SPMIP2: variants seen among roughly 807,000 people sequenced by gnomAD.
The protein encoded by SPMIP2 is protein SPMIP2.
chr4:158,981,098 G>A, the SPMIP2 span, among the ~76,000 whole-genome samples: 1 of 152,032 alleles, frequency 6.6e-6, no homozygotes, highest in Non-Finnish European at 1.5e-5. Context: ...GCAGAAGAAA[G>A]GATATCAGAG....
chr4:158,915,409 G>C, the SPMIP2 span: 1 of 1,438,994 alleles, frequency 6.9e-7, no homozygotes, highest in Non-Finnish European at 9.5e-7. Flanking sequence ...TAGAAACAAG[G>C]CCACCAGTTT....
chr4:158,970,933 G>T, the SPMIP2 span, among the ~76,000 whole-genome samples: 1 of 152,160 alleles, frequency 6.6e-6, no homozygotes, highest in Non-Finnish European at 1.5e-5. Flanking sequence ...GGTTCACTGT[G>T]AGATTGGTTC....
chr4:159,068,551 C>T, the SPMIP2 span, among the ~76,000 whole-genome samples: 2 of 151,778 alleles, frequency 1.3e-5, no homozygotes, highest in African/African-American at 4.8e-5. Flanking sequence ...TGGAGATATA[C>T]CTAATGCTAA....
chr4:158,926,277 G>T, the SPMIP2 span, among the ~76,000 whole-genome samples: 6 of 151,296 alleles, frequency 4.0e-5, no homozygotes, highest in Non-Finnish European at 7.4e-5. Context: ...AAGGTGTAAG[G>T]TTAGGTTCTT....
the SPMIP2 span, among the ~76,000 whole-genome samples, chr4:158,983,531 C>A: frequency 1.4e-5 from 2 of 141,716 alleles, no homozygotes; most frequent in South Asian, 4.8e-4. Flanking sequence ...AATTTTCAAC[C>A]CAGAATTTCA....
chr4:158,952,907 C>T, the SPMIP2 span, among the ~76,000 whole-genome samples: 54 of 152,202 alleles, frequency 3.5e-4, no homozygotes, highest in African/African-American at 8.4e-4. Context: ...GATGATTTAG[C>T]GTATCTGGTG....
At chr4:158,948,824 G>A in the SPMIP2 span, among the ~76,000 whole-genome samples, 1 of 151,958 alleles carries the variant, frequency 6.6e-6, no homozygotes, top group Non-Finnish European at 1.5e-5. Flanking sequence ...GGCTGGTGTT[G>A]AACTCCTGGG....
chr4:159,079,642 C>G, the SPMIP2 span, among the ~76,000 whole-genome samples: 1 of 152,048 alleles, frequency 6.6e-6, no homozygotes, highest in Non-Finnish European at 1.5e-5. Context: ...CAGAGATCAA[C>G]CATATATTTA....
the SPMIP2 span, among the ~76,000 whole-genome samples, chr4:158,915,839 T>C: frequency 3.3e-5 from 5 of 152,240 alleles, no homozygotes; most frequent in African/African-American, 1.2e-4. Flanking sequence ...GTGAGATCCT[T>C]GGCTAAGTTC....
the SPMIP2 span, among the ~76,000 whole-genome samples, chr4:159,051,133 A>C: frequency 2.0e-5 from 3 of 152,112 alleles, no homozygotes; most frequent in Non-Finnish European, 2.9e-5. Context: ...AAAATCTTAA[A>C]GATGTTTCCA....
the SPMIP2 span, among the ~76,000 whole-genome samples, chr4:159,017,165 AGGCAAAGAAAAAG>A: frequency 2.6e-5 from 4 of 152,182 alleles, no homozygotes; most frequent in African/African-American, 9.7e-5. Context: ...ACCCTATTCC[AGGCAAAGAAAAAG>A]TGAGCAAAAA....
chr4:158,953,256 T>A, the SPMIP2 span, among the ~76,000 whole-genome samples: 227 of 152,318 alleles, frequency 1.5e-3, 1 homozygote, highest in Middle Eastern at 3.4e-3. Context: ...GTGTGCAGCC[T>A]AGGGACTTGA....
chr4:158,987,562 A>G, the SPMIP2 span, among the ~76,000 whole-genome samples: 2 of 152,124 alleles, frequency 1.3e-5, no homozygotes, highest in African/African-American at 2.4e-5. Context: ...TCTCACTCAT[A>G]GGTGGGAATT....
chr4:159,079,800 C>A, the SPMIP2 span, among the ~76,000 whole-genome samples: 1 of 151,726 alleles, frequency 6.6e-6, no homozygotes, highest in Non-Finnish European at 1.5e-5. Context: ...TTCTTTCCTG[C>A]TTTTAATTAG....
chr4:159,017,896 G>A, the SPMIP2 span, among the ~76,000 whole-genome samples: 26 of 152,194 alleles, frequency 1.7e-4, no homozygotes, highest in Non-Finnish European at 4.4e-5. Context: ...AACACAAAGC[G>A]AGATGTGGGC....
At chr4:158,905,642 AT>A in the SPMIP2 span, 1 of 151,636 alleles carries the variant, frequency 6.6e-6, no homozygotes, top group African/African-American at 2.4e-5. Flanking sequence ...CTTTCCAGAC[AT>A]TAACTTACAC....
At chr4:159,017,202 T>C in the SPMIP2 span, among the ~76,000 whole-genome samples, 2 of 152,184 alleles carry the variant, frequency 1.3e-5, no homozygotes, top group Non-Finnish European at 2.9e-5. Flanking sequence ...TGTACAATGA[T>C]AGGTTCCTTC....
At chr4:158,959,421 A>G in the SPMIP2 span, among the ~76,000 whole-genome samples, 1 of 130,214 alleles carries the variant, frequency 7.7e-6, no homozygotes, top group East Asian at 2.3e-4. Context: ...TTAATAAGTT[A>G]TAGGAATTGC....
the SPMIP2 span, chr4:158,907,651 A>T: frequency 6.6e-6 from 1 of 152,214 alleles, no homozygotes; most frequent in Non-Finnish European, 1.5e-5. Context: ...TTGTTCATGC[A>T]TACTTCCACG....
Sources: gnomAD v4.1 joint callset for allele counts (sites outside exome capture counted in the v4.1 genomes callset) on GRCh38, gnomAD v4.1.1 for gene constraint, MANE v1.5 for transcripts, NCBI Gene and HGNC (gene_info 2026-07-23, HGNC 2026-07-21) for gene names.